The following ABL2 variants were observed in gnomAD, a reference collection of about 807,000 sequenced individuals.
The protein encoded by ABL2 is tyrosine-protein kinase ABL2.
A neutral mutation model predicts 107.7 loss-of-function variants in ABL2; 49 were observed. That is an observed-to-expected ratio of 0.45 (90% CI 0.36 to 0.58). The LOEUF (loss-of-function observed/expected upper bound fraction) is 0.58, where lower values mean the gene tolerates loss of function less well. Ranked by LOEUF, ABL2 falls within the 20% of genes least tolerant of loss-of-function variation. ABL2 has a pLI of 0.00. For synonymous variants in ABL2, 549 were observed against 548.6 expected, an observed-to-expected ratio of 1.00 and a Z score of -0.01; for missense variants, 1,245 against 1,457.0, an observed-to-expected ratio of 0.85 and a Z score of 2.37.
chr1:179,226,310 C>CT (rs745831850), intron 1 of ABL2, among the ~76,000 whole-genome samples: 3,057 of 130,964 alleles, frequency 0.023, 88 homozygotes, highest in Non-Finnish European at 0.034. Context: ...ATTATCCCTA[C>CT]TTTTTTTTTT....
At chr1:179,186,233 A>G (rs1660677486) in intron 1 of ABL2, among the ~76,000 whole-genome samples, 1 of 151,950 alleles carries the variant, frequency 6.6e-6, no homozygotes, top group Admixed American at 6.6e-5. Flanking sequence ...TGACAGAGGG[A>G]GACGCTGTCT....
intron 1 of ABL2, among the ~76,000 whole-genome samples, chr1:179,153,494 T>C (rs2102735905): frequency 6.6e-6 from 1 of 152,284 alleles, no homozygotes; most frequent in Non-Finnish European, 1.5e-5. Context: ...GCCAACATTC[T>C]TTGGCTTGTA....
At chr1:179,192,444 T>C (rs1373038616) in intron 1 of ABL2, among the ~76,000 whole-genome samples, 2 of 152,226 alleles carry the variant, frequency 1.3e-5, no homozygotes, top group African/African-American at 2.4e-5. Context: ...AAACTCTCAA[T>C]AAATCCTAGA....
chr1:179,148,075 A>G (rs1251912187), intron 1 of ABL2, among the ~76,000 whole-genome samples: 12 of 131,824 alleles, frequency 9.1e-5, no homozygotes, highest in Admixed American at 2.6e-4. Flanking sequence ...GTCTCACTCT[A>G]TTGCCCAGGC....
intron 1 of ABL2, among the ~76,000 whole-genome samples, chr1:179,179,269 G>A (rs1411888142): frequency 6.6e-6 from 1 of 151,952 alleles, no homozygotes; most frequent in Non-Finnish European, 1.5e-5. Context: ...CCCATAATAG[G>A]CAATCACATT....
chr1:179,114,201 T>G (rs189364779), intron 9 of ABL2, among the ~76,000 whole-genome samples: 3 of 151,846 alleles, frequency 2.0e-5, no homozygotes, highest in African/African-American at 7.3e-5. Context: ...GTTGCAAAGA[T>G]TGTGCCACTG....
At chr1:179,171,411 ATAAAT>A (rs1274467439) in intron 1 of ABL2, among the ~76,000 whole-genome samples, 1 of 152,260 alleles carries the variant, frequency 6.6e-6, no homozygotes, top group Non-Finnish European at 1.5e-5. Flanking sequence ...CTGTTATGAA[ATAAAT>A]TATAGTATGT....
chr1:179,109,860 G>A (rs1168639359), intron 11 of ABL2, among the ~76,000 whole-genome samples: 3 of 151,598 alleles, frequency 2.0e-5, no homozygotes, highest in South Asian at 2.1e-4. Context: ...CCCAGAAGGC[G>A]GAGCTTGCAG....
chr1:179,142,352 A>ATTC (rs1220912008), intron 1 of ABL2, among the ~76,000 whole-genome samples: 5 of 152,228 alleles, frequency 3.3e-5, no homozygotes, highest in Non-Finnish European at 7.3e-5. Flanking sequence ...CACTTGTACA[A>ATTC]AGTAAATTAT....
chr1:179,228,964 T>C (rs934548942), intron 1 of ABL2, among the ~76,000 whole-genome samples: 6 of 152,154 alleles, frequency 3.9e-5, no homozygotes, highest in African/African-American at 9.7e-5. Flanking sequence ...TGCAGCCGCA[T>C]AGTCCCGTCC....
chr1:179,165,098 T>C (rs1225590131), intron 1 of ABL2, among the ~76,000 whole-genome samples: 1 of 152,178 alleles, frequency 6.6e-6, no homozygotes, highest in African/African-American at 2.4e-5. Context: ...GATGATAAAA[T>C]AGCTACATGA....
rs543699273 is a variant in ABL2, at chr1:179,201,451, C to A, written c.157+27790G>T. ...ATTTGTCTATACTTAAGTAGAATAT[C>A]TATGAGAAAAATCCCTTTAAGATTT... On this transcript the variant is annotated intron_variant, in intron 1 of 11. Coordinates refer to ENST00000502732, the MANE Select transcript of ABL2 (RefSeq NM_007314.4). The A allele has an allele frequency of 4.9e-4, 99 of 203,652 alleles. 2 individuals carry two copies. In the Middle Eastern group the frequency reaches 5.3e-3, roughly 11 times the overall value. 12.6% of individuals were successfully genotyped at this position (203,652 alleles called of 1,614,324 possible). A position where few individuals can be genotyped will look rare whatever the true frequency, so the allele number is the denominator to read the frequency against.
At chr1:179,177,134 A>G (rs890077383) in intron 1 of ABL2, among the ~76,000 whole-genome samples, 12 of 152,194 alleles carry the variant, frequency 7.9e-5, no homozygotes, top group African/African-American at 2.9e-4. Context: ...TTAACACCCT[A>G]GCCTAGGAGA....
intron 1 of ABL2, among the ~76,000 whole-genome samples, chr1:179,185,128 A>C (rs1176258236): frequency 6.6e-6 from 1 of 152,168 alleles, no homozygotes; most frequent in Non-Finnish European, 1.5e-5. Context: ...GTTAGCATTT[A>C]CCAATATGCA....
At chr1:179,199,731 CTTTTTTT>C (rs55794608) in intron 1 of ABL2, among the ~76,000 whole-genome samples, 7 of 136,174 alleles carry the variant, frequency 5.1e-5, no homozygotes, top group African/African-American at 5.4e-5. Context: ...ACACTTTTTC[CTTTTTTT>C]TTTTTTTTTT....
intron 2 of ABL2, among the ~76,000 whole-genome samples, chr1:179,132,608 G>T (rs1656451566): frequency 6.6e-6 from 1 of 151,880 alleles, no homozygotes. Flanking sequence ...CGTGATCTCG[G>T]CTTACTGAAA....
At position 179,108,654 on chromosome 1, in the gene ABL2, A is replaced by C; in HGVS notation, c.2613T>G (p.Ile871Met). Residue 871 changes from isoleucine (I) to methionine (M), a missense_variant, in exon 12 of 12, where the codon ATT becomes ATG. Ile to Met is a conservative substitution (Grantham distance 10, BLOSUM62 1). Coordinates refer to ENST00000502732, the MANE Select transcript of ABL2 (RefSeq NM_007314.4). Reference sequence around the variant, plus strand: ...CCACCCCTGGAGGGTCCTTCTCTGTAATGGCTAGATCCCCAGAGGGTGTTC... The same window carrying C: ...CCACCCCTGGAGGGTCCTTCTCTGTCATGGCTAGATCCCCAGAGGGTGTTC... ...PLRTPSGDLA[I>M]TEKDPPGVGV... is the part of the protein sequence containing the mutation. 1 of 1,614,130 alleles carries C rather than the reference A, an allele frequency of 6.2e-7. No homozygotes were observed. The highest frequency in any genetic ancestry group is 1.1e-5 in the South Asian group (1 of 91,068).
chr1:179,195,549 G>C (rs1486997757), intron 1 of ABL2, among the ~76,000 whole-genome samples: 2 of 152,090 alleles, frequency 1.3e-5, no homozygotes, highest in East Asian at 3.8e-4. Flanking sequence ...CAAAAGAATT[G>C]AAAGCAGGAA....
At chr1:179,143,304 G>T (rs547189806) in intron 1 of ABL2, among the ~76,000 whole-genome samples, 2 of 152,154 alleles carry the variant, frequency 1.3e-5, no homozygotes, top group South Asian at 4.2e-4. Flanking sequence ...TAAAATGTAA[G>T]TAAAATAAAA....
Sources: gnomAD v4.1 joint callset for allele counts (sites outside exome capture counted in the v4.1 genomes callset) on GRCh38, gnomAD v4.1.1 for gene constraint, MANE v1.5 for transcripts, NCBI Gene and HGNC (gene_info 2026-07-23, HGNC 2026-07-21) for gene names.